SLC2A9: variants seen among roughly 807,000 people sequenced by gnomAD.
SLC2A9 encodes solute carrier family 2, facilitated glucose transporter member 9.
In SLC2A9, 39 loss-of-function variants were observed where a neutral mutation model predicts 50.6. The ratio of observed to expected loss-of-function variants is 0.77; its 90% CI spans 0.60 to 1.01. The LOEUF (loss-of-function observed/expected upper bound fraction) is 1.01, where lower values mean the gene tolerates loss of function less well. SLC2A9 is among the 50% of genes least tolerant of loss of function. The pLI, the probability that SLC2A9 is intolerant of heterozygous loss-of-function variation, is 0.00. For synonymous variants in SLC2A9, 324 were observed against 276.9 expected, an observed-to-expected ratio of 1.17 and a Z score of -1.69; for missense variants, 686 against 677.6, an observed-to-expected ratio of 1.01 and a Z score of -0.14.
intron 3 of SLC2A9, among the ~76,000 whole-genome samples, chr4:9,789,217 T>C (rs910471984): frequency 1.3e-5 from 2 of 152,216 alleles, no homozygotes; most frequent in Non-Finnish European, 2.9e-5. Context: ...GTCAAAGAGA[T>C]TAAGTTACCT....
intron 10 of SLC2A9, among the ~76,000 whole-genome samples, chr4:9,841,632 G>T (rs950677634): frequency 3.3e-5 from 5 of 152,134 alleles, no homozygotes; most frequent in African/African-American, 1.2e-4. Context: ...TGTGGCAGGG[G>T]TGGGGTGGGT....
intron 3 of SLC2A9, chr4:9,995,748 G>C (rs949633714): frequency 6.6e-6 from 1 of 152,208 alleles, no homozygotes; most frequent in Non-Finnish European, 1.5e-5. Flanking sequence ...TCTAACTCTT[G>C]TAACATTCCC....
At chr4:9,816,087 T>C (rs757338785) in intron 3 of SLC2A9, among the ~76,000 whole-genome samples, 14 of 152,088 alleles carry the variant, frequency 9.2e-5, no homozygotes, top group Admixed American at 1.3e-4. Flanking sequence ...GAAGGATCAC[T>C]TGAGCCTGGA....
chr4:9,976,562 T>C (rs1754834115), intron 5 of SLC2A9, among the ~76,000 whole-genome samples: 2 of 152,326 alleles, frequency 1.3e-5, no homozygotes, highest in South Asian at 2.1e-4. Flanking sequence ...TCCCAGAGCA[T>C]ACATTTGAAA....
chr4:10,025,758 A>T, upstream of SLC2A9: 1 of 712,860 alleles, frequency 1.4e-6, no homozygotes, highest in Non-Finnish European at 2.4e-6. Context: ...GCTCCTTCCC[A>T]TAGAACTTGG....
At chr4:9,782,037 C>T in intron 3 of SLC2A9, 4 of 1,468,242 alleles carry the variant, frequency 2.7e-6, no homozygotes, top group South Asian at 1.4e-5. Flanking sequence ...GAAATGCTGC[C>T]GCCAGGCAGC....
chr4:10,034,101 G>A (rs547319214), intron 1 of SLC2A9: 14 of 152,364 alleles, frequency 9.2e-5, no homozygotes, highest in African/African-American at 1.4e-4. Context: ...GTGCTGGATC[G>A]GCTTCCTAAA....
At chr4:10,025,721 C>T (rs1763727340), upstream of SLC2A9, 1 of 610,848 alleles carries the variant, frequency 1.6e-6, no homozygotes, top group South Asian at 2.0e-5. Context: ...TTCTGAGCCT[C>T]ATCCCAGACA....
chr4:9,788,967 G>T (rs193073309), intron 3 of SLC2A9, among the ~76,000 whole-genome samples: 77 of 152,140 alleles, frequency 5.1e-4, no homozygotes, highest in East Asian at 4.8e-3. Context: ...TTGTTGCTGG[G>T]GTGACATTGT....
Position 10,021,412 on chromosome 4 carries a change from A to G in SLC2A9, c.18T>C (p.Asn6=), listed in dbSNP as rs749936994. MARKQ[N]RNSKELGLVP... ...CTAGGCCCAGTTCCTTGGAATTCCT[A>G]TTTTGTTTCCTTGCCATGGGTCTCA... Residue 6 remains asparagine, a synonymous_variant, in exon 1 of 12, where the codon AAT becomes AAC. Transcript: ENST00000264784. 1.2e-6 allele frequency: 2 copies of G among 1,614,026 alleles called. No individual in the cohort carries two copies. Among genetic ancestry groups the G allele is most frequent in the Non-Finnish European group, 1.7e-6 (2 of 1,180,000 alleles).
intron 6 of SLC2A9, among the ~76,000 whole-genome samples, chr4:9,924,498 C>T (rs370155687): frequency 1.2e-4 from 18 of 152,318 alleles, no homozygotes; most frequent in African/African-American, 4.3e-4. Context: ...TTGCCCACAG[C>T]TGACACCTGC....
At chr4:9,956,992 A>G (rs540318725) in intron 5 of SLC2A9, among the ~76,000 whole-genome samples, 1 of 152,240 alleles carries the variant, frequency 6.6e-6, no homozygotes, top group Admixed American at 6.5e-5. Flanking sequence ...AGGGAAGTGA[A>G]GACATTTGCC....
At chr4:9,942,683 T>G (rs1748394022) in intron 5 of SLC2A9, among the ~76,000 whole-genome samples, 1 of 152,200 alleles carries the variant, frequency 6.6e-6, no homozygotes, top group Admixed American at 6.5e-5. Context: ...AGGCAAGTGA[T>G]GCACTCCAAG....
chr4:9,976,350 T>TC (rs1241643209), intron 5 of SLC2A9, among the ~76,000 whole-genome samples: 2 of 152,074 alleles, frequency 1.3e-5, no homozygotes, highest in Non-Finnish European at 2.9e-5. Context: ...AGCCCAGTTT[T>TC]TCTCTCTCTT....
downstream of SLC2A9, among the ~76,000 whole-genome samples, chr4:9,795,007 CTTTT>C (rs3060726): frequency 5.3e-5 from 5 of 95,182 alleles, no homozygotes; most frequent in East Asian, 2.9e-4. Context: ...TTAACCCATC[CTTTT>C]TTTTTTTTTT....
chr4:10,009,254 T>C (rs1431777735), intron 2 of SLC2A9, among the ~76,000 whole-genome samples: 2 of 152,186 alleles, frequency 1.3e-5, no homozygotes, highest in Non-Finnish European at 2.9e-5. Flanking sequence ...GCGACATGCT[T>C]CTTTCTCTAA....
chr4:9,873,599 C>T (rs781520136), intron 10 of SLC2A9, among the ~76,000 whole-genome samples: 5 of 152,174 alleles, frequency 3.3e-5, no homozygotes, highest in Non-Finnish European at 5.9e-5. Flanking sequence ...GTCTGTGGGA[C>T]AGTGATGGAC....
At chr4:9,840,360 AG>A (rs1265593475) in intron 10 of SLC2A9, among the ~76,000 whole-genome samples, 1 of 152,224 alleles carries the variant, frequency 6.6e-6, no homozygotes, top group Non-Finnish European at 1.5e-5. Context: ...TTCCAATCCA[AG>A]GTAAAATGAG....
intron 11 of SLC2A9, among the ~76,000 whole-genome samples, chr4:9,833,907 CCTT>C (rs1278342499): frequency 6.6e-6 from 1 of 152,188 alleles, no homozygotes; most frequent in South Asian, 2.1e-4. Context: ...GCTTCATCCT[CCTT>C]CTGCAAATGC....
Sources: gnomAD v4.1 joint callset for allele counts (sites outside exome capture counted in the v4.1 genomes callset) on GRCh38, gnomAD v4.1.1 for gene constraint, MANE v1.5 for transcripts, NCBI Gene and HGNC (gene_info 2026-07-23, HGNC 2026-07-21) for gene names.